The following SBNO1 variants were observed in gnomAD, a reference collection of about 807,000 sequenced individuals.
SBNO1 encodes the protein strawberry notch homolog 1.
SBNO1 carries 23 observed loss-of-function variants against 173.6 expected under a neutral mutation model. That is an observed-to-expected ratio of 0.13 (90% CI 0.10 to 0.19). The LOEUF (loss-of-function observed/expected upper bound fraction) is 0.19, where lower values mean the gene tolerates loss of function less well. SBNO1 is among the 10% of genes least tolerant of loss of function. The pLI is 1.00. For synonymous variants in SBNO1, 632 were observed against 571.5 expected (o/e 1.11, Z -1.51); for missense variants, 1,238 against 1,671.2 (o/e 0.74, Z 4.52).
chr12:123,331,523 G>A (rs558412378), intron 7 of SBNO1, 148 bp from the exon 8 acceptor site: 3 of 812,666 alleles, frequency 3.7e-6, no homozygotes, highest in Admixed American at 6.3e-5. Flanking sequence ...ATTTCATAGA[G>A]TTTTGGATTT....
At chr12:123,329,175 T>C (rs757549952) in intron 9 of SBNO1, among the ~76,000 whole-genome samples, 1 of 151,446 alleles carries the variant, frequency 6.6e-6, no homozygotes, top group Non-Finnish European at 1.5e-5. Context: ...AGCTCAGGAG[T>C]TCCAAGACCA....
intron 4 of SBNO1, among the ~76,000 whole-genome samples, chr12:123,343,059 T>C (rs904694358): frequency 6.6e-6 from 1 of 152,018 alleles, no homozygotes; most frequent in Non-Finnish European, 1.5e-5. Flanking sequence ...ATGGCCAACA[T>C]GGTGAAACCC....
intron 1 of SBNO1, among the ~76,000 whole-genome samples, chr12:123,361,498 A>C (rs181189542): frequency 0.031 from 4,652 of 152,032 alleles, 89 homozygotes; most frequent in Non-Finnish European, 0.049. Context: ...CAGTGGGCCG[A>C]GATCGCGCCA....
At chr12:123,325,009 C>T (rs1485791021) in intron 15 of SBNO1, among the ~76,000 whole-genome samples, 1 of 151,970 alleles carries the variant, frequency 6.6e-6, no homozygotes, top group Non-Finnish European at 1.5e-5. Flanking sequence ...TGGGGTTTCA[C>T]CATTTTGGCC....
chr12:123,306,099 C>T (rs913104002), intron 28 of SBNO1, among the ~76,000 whole-genome samples: 5 of 151,920 alleles, frequency 3.3e-5, no homozygotes, highest in Admixed American at 1.3e-4. Flanking sequence ...CTTTTTCCAA[C>T]GAATTGAAAC....
rs369241797 is a variant in SBNO1 at position 123,315,621 on chromosome 12, T to C, written c.2975A>G (p.Tyr992Cys). ...HRSNQVTAPEYVFLISELAGE... is the reference protein window; with the variant it reads ...HRSNQVTAPECVFLISELAGE... ...TGCCAGTTCAGATATCAGAAAGACA[T>C]ACTCAGGAGCAGTAACTTGGTTTGA... Residue 992 changes from tyrosine (Y) to cysteine (C), a missense_variant, in exon 22 of 32, where the codon TAT becomes TGT. By Grantham distance (194) the Tyr-to-Cys change is radical. Around this residue, in one of 14 missense-constraint regions of SBNO1, gnomAD observed 39 missense variants for 129.7 expected, o/e 0.30. Transcript: ENST00000602398. The C allele has an allele frequency of 6.2e-7, 1 of 1,613,852 alleles. No individual in the cohort carries two copies. Among genetic ancestry groups the C allele is most frequent in the Non-Finnish European group, 8.5e-7 (1 of 1,179,884 alleles).
intron 13 of SBNO1, 36 bp from the exon 14 acceptor site, chr12:123,326,370 C>G: frequency 4.3e-6 from 6 of 1,405,200 alleles, no homozygotes; most frequent in Non-Finnish European, 5.8e-6. Flanking sequence ...GACACTTCAT[C>G]TTTGAGTCTA....
chr12:123,298,075 G>A lies in SBNO1; in HGVS notation c.3942C>T (p.Val1314=). The A allele has an allele frequency of 6.2e-7, 1 of 1,613,730 alleles. No homozygotes were observed. Among genetic ancestry groups the A allele is most frequent in the South Asian group, 1.1e-5 (1 of 90,988 alleles). Residue 1314 remains valine, a synonymous_variant, in exon 31 of 32, where the codon GTC becomes GTT. Coordinates refer to ENST00000602398, the MANE Select transcript of SBNO1 (RefSeq NM_001167856.3). ...YYVLCGSVLS[V]WTKVEGVLAS... ...CTAGAACACCCTCAACTTTTGTCCA[G>A]ACACTCAGCACTGAACCACATAATA...
chr12:123,345,150 A>C (rs1485328178), intron 4 of SBNO1, 108 bp downstream of exon 4: 11 of 928,972 alleles, frequency 1.2e-5, no homozygotes, highest in Non-Finnish European at 1.8e-5. Context: ...AATGCATATA[A>C]CACCCTTTTA....
chr12:123,289,753 T>C lies in SBNO1; in HGVS notation c.*6155A>G, dbSNP rs918854939. The C allele has an allele frequency of 2.6e-5, 4 of 152,254 alleles. No homozygotes were observed. The highest frequency in any genetic ancestry group is 5.9e-5 in the Non-Finnish European group (4 of 68,044). 9.4% of individuals were successfully genotyped at this position (152,254 alleles called of 1,614,324 possible). A position where few individuals can be genotyped will look rare whatever the true frequency, so the allele number is the denominator to read the frequency against. Reference sequence around the variant, plus strand: ...AGTATAAACCATGAACAGGATATTTTTCTGATAGCGGTGAGACTGCAATGT... The same window carrying C: ...AGTATAAACCATGAACAGGATATTTCTCTGATAGCGGTGAGACTGCAATGT... On this transcript the variant is annotated 3_prime_UTR_variant, in exon 32 of 32. Coordinates refer to ENST00000602398, the MANE Select transcript of SBNO1 (RefSeq NM_001167856.3).
At position 123,327,792 on chromosome 12, in the gene SBNO1, T is replaced by C. The variant is rs1214368951; in HGVS notation, c.1453A>G (p.Met485Val). The change falls in exon 12 of 32, where the codon ATG (methionine) becomes GTG (valine). Residue 485 changes from methionine (M) to valine (V), a missense_variant. Coordinates refer to ENST00000602398, the MANE Select transcript of SBNO1 (RefSeq NM_001167856.3). ...ATGCCAAGACGGTTCATATAGGCCA[T>C]GTTGCGTGGTTCAGAAGCACCTGAA... The part of the protein sequence containing the change: ...SATGASEPRN[M>V]AYMNRLGIWG... The C allele has an allele frequency of 6.2e-7, 1 of 1,613,712 alleles. No individual in the cohort carries two copies. Among genetic ancestry groups the C allele is most frequent in the Non-Finnish European group, 8.5e-7 (1 of 1,179,854 alleles).
chr12:123,322,494 C>T (rs910035960), intron 16 of SBNO1, among the ~76,000 whole-genome samples: 7 of 151,986 alleles, frequency 4.6e-5, no homozygotes, highest in Non-Finnish European at 8.8e-5. Context: ...GAAGGGGTTT[C>T]GCCATGTTGG....
intron 24 of SBNO1, among the ~76,000 whole-genome samples, chr12:123,311,411 G>C (rs951227986): frequency 2.6e-5 from 4 of 152,050 alleles, no homozygotes; most frequent in Non-Finnish European, 4.4e-5. Flanking sequence ...GTCTCACTCT[G>C]TCACCCAGGC....
rs34105162 is a variant in SBNO1 at position 123,307,020 on chromosome 12, T to TAA, written c.3630+2288_3630+2289dup. The stretch of plus-strand genomic sequence containing the variant: ...CAACACAGTGAGACATCAACTGCAT[T>TAA]AAAAAAAAAAAAAAAAAAAAAAGCC... On this transcript the variant is annotated intron_variant, in intron 28 of 31. Transcript: ENST00000602398. Among the ~76,000 whole-genome samples the TAA allele has an allele frequency of 9.7e-3, 622 of 64,358 alleles. 16 individuals are homozygous for TAA. Among genetic ancestry groups the TAA allele is most frequent in the East Asian group, 0.012 (17 of 1,370 alleles). 42.2% of individuals were successfully genotyped at this position (64,358 alleles called of 152,430 possible).
At chr12:123,316,703 CTTTTTTT>C (rs545944754) in intron 21 of SBNO1, among the ~76,000 whole-genome samples, 1 of 123,900 alleles carries the variant, frequency 8.1e-6, no homozygotes, top group Admixed American at 8.8e-5. Context: ...TTTTCTTCTT[CTTTTTTT>C]TTTTTTTTTT....
At chr12:123,349,785 C>T (rs905518795) in intron 2 of SBNO1, among the ~76,000 whole-genome samples, 1 of 151,996 alleles carries the variant, frequency 6.6e-6, no homozygotes, top group African/African-American at 2.4e-5. Context: ...CGTCGTGGCC[C>T]ATGCCTGTAA....
chr12:123,355,699 C>T (rs1874382603), intron 1 of SBNO1, among the ~76,000 whole-genome samples: 1 of 152,078 alleles, frequency 6.6e-6, no homozygotes, highest in Non-Finnish European at 1.5e-5. Context: ...AGGAGGATCC[C>T]TTGAGCCTAG....
At chr12:123,296,718 G>C (rs937468617) in intron 31 of SBNO1, among the ~76,000 whole-genome samples, 1 of 151,652 alleles carries the variant, frequency 6.6e-6, no homozygotes, top group Non-Finnish European at 1.5e-5. Flanking sequence ...CTGCCACCAC[G>C]CCTGGTTAAT....
At chr12:123,348,493 G>A (rs531059290) in intron 2 of SBNO1, among the ~76,000 whole-genome samples, 19 of 152,184 alleles carry the variant, frequency 1.2e-4, no homozygotes, top group South Asian at 4.2e-4. Flanking sequence ...TTGGCCAGGC[G>A]CAGTGGCTCA....
Sources: gnomAD v4.1 joint callset for allele counts (sites outside exome capture counted in the v4.1 genomes callset) on GRCh38, gnomAD v4.1.1 for gene constraint, gnomAD v4.1.1 regional missense constraint, MANE v1.5 for transcripts, NCBI Gene and HGNC (gene_info 2026-07-23, HGNC 2026-07-21) for gene names.